The following SIAH2 variants were observed in gnomAD, a reference collection of about 807,000 sequenced individuals.
The protein encoded by SIAH2 is siah E3 ubiquitin protein ligase 2.
SIAH2 carries 4 observed loss-of-function variants against 20.4 expected under a neutral mutation model. The ratio of observed to expected loss-of-function variants is 0.20; its 90% CI spans 0.10 to 0.45. SIAH2 has a LOEUF of 0.45. Among genes scored for constraint, SIAH2 ranks in the 20% least tolerant of loss-of-function variants. SIAH2 has a pLI of 0.99. For synonymous variants in SIAH2, 171 were observed against 192.5 expected (o/e 0.89, Z 0.93); for missense variants, 259 against 440.3 (o/e 0.59, Z 3.69).
rs760253969 is a variant in SIAH2, at chr3:150,762,818, G to C, written c.32C>G (p.Ala11Gly). ...CGGCTGCTTGCTGCAGGGTTTATTA[G>C]CGCTGGGGCCGGTGGAGGACGGGCG... MSRPSSTGPS[A>G]NKPCSKQPPP... Residue 11 changes from alanine (A) to glycine (G), a missense_variant, in exon 1 of 2, where the codon GCT (alanine) becomes GGT (glycine). This residue lies in a region of SIAH2 where 99 missense variants were observed against 112.7 expected (regional missense o/e 0.88). Coordinates refer to ENST00000312960, the MANE Select transcript of SIAH2 (RefSeq NM_005067.7). This position sits in a 1 kb window ranked among gnomAD's most constrained non-coding sequence, Gnocchi z 6.6. 2 of 1,222,820 alleles carry C rather than the reference G, an allele frequency of 1.6e-6. 1 individual carries two copies. The highest frequency in any genetic ancestry group is 6.8e-5 in the South Asian group (2 of 29,310). The allele number at this position is 1,222,820 out of a possible 1,614,324, so 75.7% of individuals were successfully genotyped here.
chr3:150,742,251 C>T lies in SIAH2; in HGVS notation c.865G>A (p.Ala289Thr), dbSNP rs143131255. ...AGGCAGTCGCTGTTCATGATGGCCG[C>T]AGCCACACCGTCATGAATCGAACGG... ...TPRSIHDGVA[A>T]AIMNSDCLVF... The change falls in exon 2 of 2, where the codon GCG (alanine) becomes ACG (threonine). Residue 289 changes from alanine (A) to threonine (T), a missense_variant. Physicochemically the swap from Ala to Thr is moderately conservative, Grantham distance 58 (BLOSUM62 0). Coordinates refer to ENST00000312960, the MANE Select transcript of SIAH2 (RefSeq NM_005067.7). This position sits in a 1 kb window ranked among gnomAD's most constrained non-coding sequence, Gnocchi z 4.8. The T allele has an allele frequency of 3.1e-6, 5 of 1,614,048 alleles. No individual in the cohort carries two copies. Among genetic ancestry groups the T allele is most frequent in the Non-Finnish European group, 4.2e-6 (5 of 1,180,040 alleles).
At chr3:150,749,789 C>T (rs1714316757) in intron 1 of SIAH2, among the ~76,000 whole-genome samples, 1 of 152,044 alleles carries the variant, frequency 6.6e-6, no homozygotes, top group Non-Finnish European at 1.5e-5. Context: ...CTTCTTTGGC[C>T]CCTATAGAAG....
intron 1 of SIAH2, among the ~76,000 whole-genome samples, chr3:150,755,452 C>T (rs1468839045): frequency 6.6e-6 from 1 of 150,648 alleles, no homozygotes; most frequent in African/African-American, 2.4e-5. Context: ...CACCTCAGCC[C>T]TCTGAGTAGC....
At chr3:150,759,280 G>A (rs1437348891) in intron 1 of SIAH2, among the ~76,000 whole-genome samples, 4 of 152,254 alleles carry the variant, frequency 2.6e-5, no homozygotes, top group Non-Finnish European at 5.9e-5. Context: ...TAGTTATTTG[G>A]CAATACATCC....
rs753552240 is a variant in SIAH2, at chr3:150,762,607, C to T, written c.243G>A (p.Pro81=). ...HHELTSLFEC[P]VCFDYVLPPI... ...GAGGCAGGACATAGTCAAAGCAGAC[C>T]GGACACTCGAAGAGCGAGGTCAGCT... Residue 81 remains proline (P), a synonymous_variant, in exon 1 of 2, where the codon CCG becomes CCA. Coordinates refer to ENST00000312960, the MANE Select transcript of SIAH2 (RefSeq NM_005067.7). This position sits in a 1 kb window ranked among gnomAD's most constrained non-coding sequence, Gnocchi z 6.6. 18 of 1,612,128 alleles carry T rather than the reference C, an allele frequency of 1.1e-5. No individual in the cohort carries two copies. The highest frequency in any genetic ancestry group is 1.5e-5 in the Non-Finnish European group (18 of 1,179,606).
intron 1 of SIAH2, among the ~76,000 whole-genome samples, chr3:150,747,752 C>A (rs930969164): frequency 7.3e-5 from 11 of 151,684 alleles, no homozygotes; most frequent in Non-Finnish European, 1.3e-4. Context: ...ACCAGCCTGG[C>A]CAACATGGTG....
At position 150,742,341 on chromosome 3, in the gene SIAH2, C is replaced by T. The variant is rs372090564; in HGVS notation, c.775G>A (p.Glu259Lys). 3.8e-5 allele frequency: 61 copies of T among 1,614,046 alleles called. No individual in the cohort carries two copies. The highest frequency in any genetic ancestry group is 8.0e-5 in the African/African-American group (6 of 74,912). The change falls in exon 2 of 2, where the codon GAG becomes AAG. Residue 259 changes from glutamate to lysine, a missense_variant. Glu to Lys is a moderately conservative substitution (Grantham distance 56, BLOSUM62 1). Coordinates refer to ENST00000312960, the MANE Select transcript of SIAH2 (RefSeq NM_005067.7). This position sits in a 1 kb window ranked among gnomAD's most constrained non-coding sequence, Gnocchi z 4.8. ...AACTCCAGTCTGTAGGCAAAGTTCT[C>T]GGCTTGCTTGCGGGTGCCAATGAGC... is the stretch of plus-strand genomic sequence containing the variant. ...VLLIGTRKQA[E>K]NFAYRLELNG... is the part of the protein sequence containing the mutation.
intron 1 of SIAH2, among the ~76,000 whole-genome samples, chr3:150,752,422 A>G (rs189841635): frequency 1.3e-5 from 2 of 152,368 alleles, no homozygotes; most frequent in African/African-American, 4.8e-5. Flanking sequence ...CAGTCTGGCC[A>G]ACATGGCGAA....
chr3:150,751,885 G>A (rs1714377232), intron 1 of SIAH2, among the ~76,000 whole-genome samples: 1 of 152,150 alleles, frequency 6.6e-6, no homozygotes, highest in Admixed American at 6.5e-5. Flanking sequence ...GCAGAAATCT[G>A]AGAACACCCT....
intron 1 of SIAH2, among the ~76,000 whole-genome samples, chr3:150,752,678 A>G (rs1373990599): frequency 2.6e-5 from 4 of 152,110 alleles, no homozygotes; most frequent in South Asian, 4.1e-4. Context: ...GAATATACTT[A>G]TTATTCTTCT....
chr3:150,743,781 A>T (rs7636866), intron 1 of SIAH2, among the ~76,000 whole-genome samples: 13,876 of 152,106 alleles, frequency 0.091, 1,163 homozygotes, highest in East Asian at 0.37. Context: ...CCAGATGGAG[A>T]TCAGCCCACA....
At position 150,742,161 on chromosome 3, in the gene SIAH2, T is replaced by C. The variant is rs1714101462; in HGVS notation, c.955A>G (p.Ile319Val). Residue 319 changes from isoleucine to valine, a missense_variant, in exon 2 of 2, where the codon ATT (isoleucine) becomes GTT (valine). Ile to Val is a conservative substitution (Grantham distance 29). Transcript: ENST00000312960. The surrounding 1 kb of genome is among the most constrained non-coding windows in gnomAD (Gnocchi z 4.8). Reference protein sequence around the residue: ...DNGNLGINVTISTCCP With the variant: ...DNGNLGINVTVSTCCP ...TCACATCATGGACAACATGTAGAAA[T>C]AGTAACATTGATTCCAAGGTTCCCA... 6.2e-7 allele frequency: 1 copy of C among 1,612,032 alleles called. No homozygotes were observed. The highest frequency in any genetic ancestry group is 8.5e-7 in the Non-Finnish European group (1 of 1,178,308).
At chr3:150,753,368 C>G (rs1714411797) in intron 1 of SIAH2, among the ~76,000 whole-genome samples, 1 of 152,144 alleles carries the variant, frequency 6.6e-6, no homozygotes, top group Admixed American at 6.5e-5. Context: ...GACACTGCAC[C>G]AGGGAGAAAA....
At chr3:150,746,930 C>T (rs925328187) in intron 1 of SIAH2, among the ~76,000 whole-genome samples, 4 of 152,206 alleles carry the variant, frequency 2.6e-5, no homozygotes, top group African/African-American at 7.2e-5. Context: ...CCATTCTACC[C>T]GTTTTATTCA....
chr3:150,744,013 T>TA lies in SIAH2; in HGVS notation c.418-1316dup, dbSNP rs112528632. 4.4e-3 allele frequency among the ~76,000 whole-genome samples: 588 copies of TA among 134,444 alleles called. 1 individual carries two copies. The highest frequency in any genetic ancestry group is 0.011 in the African/African-American group (386 of 36,508). The allele number at this position is 134,444 out of a possible 152,430, so 88.2% of individuals were successfully genotyped here. ...TTTCTAAGATGCTATGTCCAGTTGC[T>TA]AAAAAAAAAAAAAAGCACCACTGCT... On this transcript the variant is annotated intron_variant, in intron 1 of 1. Transcript: ENST00000312960.
chr3:150,757,475 G>T (rs1714507712), intron 1 of SIAH2, among the ~76,000 whole-genome samples: 1 of 152,096 alleles, frequency 6.6e-6, no homozygotes, highest in African/African-American at 2.4e-5. Flanking sequence ...CCAACAGTTA[G>T]GGCCTAACAG....
At position 150,745,274 on chromosome 3, in the gene SIAH2, CA is replaced by C. The variant is rs879425494; in HGVS notation, c.418-2577del. On this transcript the variant is annotated intron_variant, in intron 1 of 1. Coordinates refer to ENST00000312960, the MANE Select transcript of SIAH2 (RefSeq NM_005067.7). ...ACACACACACACACACACACACACA[CA>C]CACCCCACATTTCATACTTCAAGCA... Among the ~76,000 whole-genome samples, 468 of 151,148 alleles carry C rather than the reference CA, an allele frequency of 3.1e-3. 2 individuals carry two copies. Among genetic ancestry groups the C allele is most frequent in the Non-Finnish European group, 5.2e-3 (356 of 67,952 alleles).
intron 1 of SIAH2, among the ~76,000 whole-genome samples, chr3:150,751,337 T>C (rs180710903): frequency 1.4e-3 from 220 of 152,064 alleles, no homozygotes; most frequent in African/African-American, 4.8e-3. Context: ...GGCAGGAGAA[T>C]TGCTTGAACC....
At chr3:150,757,637 A>C (rs1245028890) in intron 1 of SIAH2, among the ~76,000 whole-genome samples, 2 of 152,020 alleles carry the variant, frequency 1.3e-5, no homozygotes, top group Non-Finnish European at 2.9e-5. Context: ...TGGTGGTTAT[A>C]CATGTGAAGT....
Sources: gnomAD v4.1 joint callset for allele counts (sites outside exome capture counted in the v4.1 genomes callset) on GRCh38, gnomAD v4.1.1 for gene constraint, gnomAD v4.1.1 regional missense constraint, Gnocchi (gnomAD v3.1) non-coding constraint, MANE v1.5 for transcripts, NCBI Gene and HGNC (gene_info 2026-07-23, HGNC 2026-07-21) for gene names.